The following PTER variants were observed in gnomAD, a reference collection of about 807,000 sequenced individuals.
The protein encoded by PTER is phosphotriesterase related, also known as N-acetyltaurine hydrolase.
PTER carries 38 observed loss-of-function variants against 29.6 expected under a neutral mutation model. That is an observed-to-expected ratio of 1.28 (90% CI 0.99 to 1.68). The LOEUF (loss-of-function observed/expected upper bound fraction) is 1.68. Ranked by LOEUF, PTER falls within the 40% of genes most tolerant of loss-of-function variation. The pLI is 0.00. For synonymous variants in PTER, 172 were observed against 154.5 expected (o/e 1.11, Z -0.84); for missense variants, 482 against 427.8 (o/e 1.13, Z -1.12).
intron 1 of PTER, among the ~76,000 whole-genome samples, chr10:16,463,896 CT>C (rs1274185995): frequency 2.0e-5 from 3 of 152,152 alleles, no homozygotes; most frequent in African/African-American, 7.2e-5. Flanking sequence ...GCTCATCATC[CT>C]TGTCTCAATA....
intron 3 of PTER, among the ~76,000 whole-genome samples, chr10:16,487,190 G>T (rs1278506469): frequency 2.6e-5 from 4 of 152,156 alleles, no homozygotes; most frequent in Non-Finnish European, 5.9e-5. Context: ...TATTGCTACT[G>T]TAACAAGTTA....
At chr10:16,441,279 G>T (rs1044421332) in intron 1 of PTER, among the ~76,000 whole-genome samples, 2 of 152,158 alleles carry the variant, frequency 1.3e-5, no homozygotes, top group Non-Finnish European at 2.9e-5. Flanking sequence ...GTTGTGAAAA[G>T]ATGATTCTTC....
chr10:16,491,724 G>C (rs1394806085), intron 3 of PTER, among the ~76,000 whole-genome samples: 1 of 152,064 alleles, frequency 6.6e-6, no homozygotes. Flanking sequence ...CCGTCGCTGT[G>C]CTTCATAGCC....
chr10:16,499,348 C>A (rs550646927), intron 3 of PTER, among the ~76,000 whole-genome samples: 2 of 152,178 alleles, frequency 1.3e-5, no homozygotes, highest in East Asian at 1.9e-4. Flanking sequence ...TTTTCTTCCC[C>A]TGAATTTTGC....
chr10:16,509,948 C>T (rs1030911617), intron 4 of PTER, among the ~76,000 whole-genome samples: 5 of 152,092 alleles, frequency 3.3e-5, no homozygotes, highest in African/African-American at 7.2e-5. Flanking sequence ...TAGTACCCCA[C>T]GTTTTGCTCA....
At chr10:16,480,669 T>G (rs951690214) in intron 1 of PTER, among the ~76,000 whole-genome samples, 1 of 152,206 alleles carries the variant, frequency 6.6e-6, no homozygotes. Flanking sequence ...TGGAAAGTCC[T>G]ACCCTCTGCA....
chr10:16,488,333 A>G (rs748799314), intron 3 of PTER, among the ~76,000 whole-genome samples: 1 of 152,180 alleles, frequency 6.6e-6, no homozygotes, highest in African/African-American at 2.4e-5. Context: ...AAAACAATGT[A>G]TTTTATAATG....
chr10:16,463,471 G>A (rs1204171227), intron 1 of PTER, among the ~76,000 whole-genome samples: 1 of 152,090 alleles, frequency 6.6e-6, no homozygotes, highest in Non-Finnish European at 1.5e-5. Flanking sequence ...GAGTGCCATG[G>A]CAGGCGCGAT....
chr10:16,472,918 T>TC (rs1195998942), intron 1 of PTER, among the ~76,000 whole-genome samples: 1 of 152,090 alleles, frequency 6.6e-6, no homozygotes, highest in Non-Finnish European at 1.5e-5. Flanking sequence ...CTTCATGTTG[T>TC]CTGGACATAA....
chr10:16,453,833 T>C (rs747629477), intron 1 of PTER, among the ~76,000 whole-genome samples: 1 of 152,198 alleles, frequency 6.6e-6, no homozygotes, highest in Non-Finnish European at 1.5e-5. Context: ...GAGAAGCTTC[T>C]GGAGAGGTCA....
intron 3 of PTER, among the ~76,000 whole-genome samples, chr10:16,498,893 G>A (rs1010344000): frequency 6.6e-5 from 10 of 152,166 alleles, no homozygotes; most frequent in African/African-American, 2.4e-4. Flanking sequence ...ATTTCACATG[G>A]GTAAGTCACC....
intron 1 of PTER, among the ~76,000 whole-genome samples, chr10:16,454,871 C>G (rs2133379858): frequency 6.6e-6 from 1 of 151,970 alleles, no homozygotes; most frequent in Non-Finnish European, 1.5e-5. Context: ...AGCTGATAAT[C>G]AAATGTAATA....
chr10:16,499,729 C>A (rs1259520519), intron 3 of PTER, among the ~76,000 whole-genome samples: 1 of 152,120 alleles, frequency 6.6e-6, no homozygotes, highest in Non-Finnish European at 1.5e-5. Flanking sequence ...CAAGCATGAG[C>A]CACTGTCTGC....
At chr10:16,452,221 A>G (rs1037224018) in intron 1 of PTER, among the ~76,000 whole-genome samples, 1 of 145,836 alleles carries the variant, frequency 6.9e-6, no homozygotes, top group Non-Finnish European at 1.5e-5. Context: ...ACACACACAC[A>G]TATATATACA....
At chr10:16,495,704 G>C (rs1836068571) in intron 3 of PTER, among the ~76,000 whole-genome samples, 1 of 152,124 alleles carries the variant, frequency 6.6e-6, no homozygotes, top group Admixed American at 6.5e-5. Context: ...GCCCTCACAG[G>C]CCCACCACTT....
intron 1 of PTER, among the ~76,000 whole-genome samples, chr10:16,483,783 C>T (rs1049314391): frequency 7.9e-5 from 12 of 151,846 alleles, no homozygotes; most frequent in African/African-American, 2.7e-4. Context: ...GAGGCGGAGG[C>T]GGAAGTTGCA....
chr10:16,492,697 C>T (rs988500234), intron 3 of PTER, among the ~76,000 whole-genome samples: 4 of 152,286 alleles, frequency 2.6e-5, no homozygotes, highest in African/African-American at 9.6e-5. Context: ...AATCTTTTTT[C>T]TACTTGGTTA....
At chr10:16,510,505 T>C (rs370061949) in intron 4 of PTER, among the ~76,000 whole-genome samples, 9 of 152,362 alleles carry the variant, frequency 5.9e-5, no homozygotes, top group African/African-American at 2.2e-4. Flanking sequence ...GCTTTGTAGC[T>C]TATCAAATGC....
chr10:16,514,733 A>T (rs1836921408), downstream of PTER: 2 of 1,560,882 alleles, frequency 1.3e-6, no homozygotes, highest in African/African-American at 1.4e-5. Context: ...AAGAATTAGG[A>T]TGCGTAAATG....
Sources: gnomAD v4.1 joint callset for allele counts (sites outside exome capture counted in the v4.1 genomes callset) on GRCh38, gnomAD v4.1.1 for gene constraint, MANE v1.5 for transcripts, NCBI Gene and HGNC (gene_info 2026-07-23, HGNC 2026-07-21) for gene names.